CAP2: variants seen among roughly 807,000 people sequenced by gnomAD.
CAP2 encodes adenylyl cyclase-associated protein 2.
CAP2 carries 24 observed loss-of-function variants against 57.7 expected under a neutral mutation model. The observed-to-expected ratio is 0.42, with a 90% CI of 0.30 to 0.58. The LOEUF is 0.58. Among genes scored for constraint, CAP2 ranks in the 20% least tolerant of loss-of-function variants. The probability of loss-of-function intolerance (pLI) is 0.22; values close to 1 mark genes in which losing one functional copy is unlikely to be tolerated. For synonymous variants in CAP2, 194 were observed against 207.2 expected, an observed-to-expected ratio of 0.94 and a Z score of 0.55; for missense variants, 501 against 590.3, an observed-to-expected ratio of 0.85 and a Z score of 1.57.
At chr6:17,523,392 G>A (rs961317534) in intron 7 of CAP2, among the ~76,000 whole-genome samples, 1 of 152,126 alleles carries the variant, frequency 6.6e-6, no homozygotes, top group Non-Finnish European at 1.5e-5. Context: ...GGTGCGGGAG[G>A]TATAGGAGAG....
intron 1 of CAP2, among the ~76,000 whole-genome samples, chr6:17,401,880 C>T (rs979701624): frequency 1.3e-5 from 2 of 152,174 alleles, no homozygotes; most frequent in African/African-American, 2.4e-5. Context: ...ATTCACTCCC[C>T]TCAATGCCTC....
intron 11 of CAP2, among the ~76,000 whole-genome samples, chr6:17,545,551 T>TTTTTTTTG (rs1262777888): frequency 1.3e-5 from 2 of 151,950 alleles, no homozygotes; most frequent in Non-Finnish European, 2.9e-5. Context: ...TGTGTAACCA[T>TTTTTTTTG]TTTTTTTGTA....
chr6:17,496,307 A>G (rs1006690388), intron 4 of CAP2, among the ~76,000 whole-genome samples: 1 of 152,102 alleles, frequency 6.6e-6, no homozygotes, highest in Non-Finnish European at 1.5e-5. Flanking sequence ...AGGTTACGCA[A>G]AGTTAAACAG....
intron 4 of CAP2, among the ~76,000 whole-genome samples, chr6:17,487,214 C>A (rs1761440042): frequency 6.6e-6 from 1 of 152,184 alleles, no homozygotes; most frequent in Non-Finnish European, 1.5e-5. Context: ...CTTCTCCCAT[C>A]CCCCTTGCTG....
intron 7 of CAP2, among the ~76,000 whole-genome samples, chr6:17,532,751 A>C (rs1385117919): frequency 7.1e-6 from 1 of 140,542 alleles, no homozygotes; most frequent in Non-Finnish European, 1.6e-5. Context: ...AAAAAAAAAA[A>C]CACACACACA....
intron 4 of CAP2, among the ~76,000 whole-genome samples, chr6:17,484,849 T>C (rs982840965): frequency 6.6e-6 from 1 of 152,208 alleles, no homozygotes; most frequent in African/African-American, 2.4e-5. Flanking sequence ...TGAAGATGCA[T>C]TGTGTCATTG....
rs552909521 is a variant in CAP2, at chr6:17,421,158, G to A, written c.-1-397G>A. 2.4e-4 allele frequency among the ~76,000 whole-genome samples: 37 copies of A among 152,260 alleles called. No homozygotes were observed. The Middle Eastern group carries it at 0.027, about 112-fold the overall frequency. ...AGGAATGGAAAACCAAATATCATAT[G>A]TTCCTCACTTATAAGTGGGAGCTAA... is the stretch of plus-strand genomic sequence containing the variant. On this transcript the variant is annotated intron_variant, in intron 1 of 12. Coordinates refer to ENST00000229922, the MANE Select transcript of CAP2 (RefSeq NM_006366.3).
intron 3 of CAP2, 51 bp downstream of exon 3, chr6:17,426,741 C>T: frequency 1.7e-6 from 2 of 1,195,418 alleles, no homozygotes; most frequent in African/African-American, 1.5e-5. Context: ...CTTACCAGCC[C>T]AGCCTCTGAC....
rs567675285 is a variant in CAP2, at chr6:17,461,992, C to CAAAAAAAAAAAAAAA, written c.223-987_223-973dup. Among the ~76,000 whole-genome samples the CAAAAAAAAAAAAAAA allele has an allele frequency of 3.0e-3, 84 of 27,854 alleles. 5 individuals carry two copies. Among genetic ancestry groups the CAAAAAAAAAAAAAAA allele is most frequent in the East Asian group, 0.012 (11 of 902 alleles). 18.3% of individuals were successfully genotyped at this position (27,854 alleles called of 152,430 possible). A position where few individuals can be genotyped will look rare whatever the true frequency, so the allele number is the denominator to read the frequency against. On this transcript the variant is annotated intron_variant, in intron 3 of 12. Coordinates refer to ENST00000229922, the MANE Select transcript of CAP2 (RefSeq NM_006366.3). ...TGGGCAACAGGGCGAGACTCCGTCTCAAAAAAAAAAAAAAAAAAAAAAAAA... is the reference window on the plus strand; with the variant it reads ...TGGGCAACAGGGCGAGACTCCGTCTCAAAAAAAAAAAAAAAAAAAAAAAAAAAAAAAAAAAAAAAA...
chr6:17,457,559 C>T (rs1253755598), intron 3 of CAP2, among the ~76,000 whole-genome samples: 3 of 152,186 alleles, frequency 2.0e-5, no homozygotes, highest in African/African-American at 4.8e-5. Flanking sequence ...TAATTATGCC[C>T]AGAGTTCCAG....
At chr6:17,454,062 C>T (rs1356810827) in intron 3 of CAP2, among the ~76,000 whole-genome samples, 1 of 151,710 alleles carries the variant, frequency 6.6e-6, no homozygotes, top group African/African-American at 2.4e-5. Context: ...AGGCAGGTGC[C>T]ACCATGCCTG....
At chr6:17,480,074 CCA>C (rs1490695398) in intron 4 of CAP2, among the ~76,000 whole-genome samples, 1 of 152,124 alleles carries the variant, frequency 6.6e-6, no homozygotes, top group African/African-American at 2.4e-5. Flanking sequence ...AGCCTGTCTT[CCA>C]TTCTTATCAT....
intron 2 of CAP2, among the ~76,000 whole-genome samples, chr6:17,425,402 G>C (rs1040292131): frequency 6.6e-6 from 1 of 152,162 alleles, no homozygotes; most frequent in African/African-American, 2.4e-5. Context: ...TTCCCACTAT[G>C]GTTGTCCCCC....
rs1185035880 is a variant in CAP2 at position 17,507,660 on chromosome 6, A to G, written c.464A>G (p.Tyr155Cys). 37 of 1,607,754 alleles carry G rather than the reference A, an allele frequency of 2.3e-5. No homozygotes were observed. The highest frequency in any genetic ancestry group is 3.1e-5 in the Non-Finnish European group (37 of 1,174,938). Residue 155 changes from tyrosine to cysteine, a missense_variant, in exon 6 of 13, where the codon TAT becomes TGT. Tyr to Cys is a radical substitution (Grantham distance 194). Coordinates refer to ENST00000229922, the MANE Select transcript of CAP2 (RefSeq NM_006366.3). ...WIAVSPKPGPYVKEMNDAATF... is the reference protein window; with the variant it reads ...WIAVSPKPGPCVKEMNDAATF... ...TCTCAGTCTCCCAAACCTGGTCCTT[A>G]TGTCAAGGAGATGAATGACGCTGCC...
At chr6:17,404,943 T>C (rs1758918178) in intron 1 of CAP2, among the ~76,000 whole-genome samples, 1 of 152,172 alleles carries the variant, frequency 6.6e-6, no homozygotes, top group African/African-American at 2.4e-5. Context: ...TGAGTGTATA[T>C]GTATAACAGA....
chr6:17,548,332 A>C (rs779984670), intron 11 of CAP2, among the ~76,000 whole-genome samples: 2 of 151,684 alleles, frequency 1.3e-5, no homozygotes, highest in African/African-American at 4.8e-5. Context: ...CCGCCACTGC[A>C]CTCCAGCCTG....
chr6:17,539,997 G>A (rs992559485), intron 8 of CAP2, among the ~76,000 whole-genome samples: 4 of 152,138 alleles, frequency 2.6e-5, no homozygotes, highest in Admixed American at 2.0e-4. Context: ...TGGGAGGATC[G>A]CTTGAGCCCA....
At chr6:17,552,806 G>A (rs906940437) in intron 12 of CAP2, among the ~76,000 whole-genome samples, 1 of 152,162 alleles carries the variant, frequency 6.6e-6, no homozygotes, top group African/African-American at 2.4e-5. Context: ...TCAACACACA[G>A]GTTGATCTCC....
intron 3 of CAP2, 82 bp from the exon 4 acceptor site, chr6:17,462,914 C>T (rs1163220096): frequency 3.8e-6 from 4 of 1,044,054 alleles, no homozygotes; most frequent in South Asian, 2.6e-5. Context: ...GGGTATATAC[C>T]TACGGGTGGA....
Sources: allele counts gnomAD v4.1 joint callset (sites outside exome capture counted in the v4.1 genomes callset), GRCh38; gene constraint gnomAD v4.1.1; transcripts MANE v1.5; gene names NCBI Gene and HGNC (gene_info 2026-07-23, HGNC 2026-07-21).